EYS: variants seen among roughly 807,000 people sequenced by gnomAD.
The protein encoded by EYS is protein eyes shut homolog.
A neutral mutation model predicts 282.1 loss-of-function variants in EYS; 250 were observed. The ratio of observed to expected loss-of-function variants is 0.89; its 90% CI spans 0.80 to 0.98. EYS has a LOEUF of 0.98. Ranked by LOEUF, EYS falls within the 50% of genes least tolerant of loss-of-function variation. The pLI is 0.00. For missense variants in EYS, 4,016 were observed against 3,709.0 expected (o/e 1.08, Z -2.15); for synonymous variants, 1,355 against 1,282.9 (o/e 1.06, Z -1.20).
Position 64,421,900 on chromosome 6 carries a change from T to C in EYS, c.5927+14274A>G, listed in dbSNP as rs142749535. On this transcript the variant is annotated intron_variant, in intron 28 of 42. Transcript: ENST00000503581. ...GTGTGTGTGTGTGTGTGTGTGTGTG[T>C]AGATCAGTGGTTCTCAAACAGGGAT... is the stretch of plus-strand genomic sequence containing the variant. 2.2e-3 allele frequency among the ~76,000 whole-genome samples: 334 copies of C among 150,878 alleles called. 2 individuals are homozygous for C. The highest frequency in any genetic ancestry group is 7.8e-3 in the African/African-American group (321 of 41,084).
intron 40 of EYS, among the ~76,000 whole-genome samples, chr6:63,768,837 G>A (rs114686000): frequency 0.012 from 1,838 of 152,072 alleles, 31 homozygotes; most frequent in African/African-American, 0.043. Context: ...CCCATCAACA[G>A]GGTACTGGAT....
intron 22 of EYS, among the ~76,000 whole-genome samples, chr6:64,750,538 A>G (rs1475622471): frequency 6.6e-6 from 1 of 152,166 alleles, no homozygotes; most frequent in African/African-American, 2.4e-5. Flanking sequence ...AGAAAAGATA[A>G]GAGCTAAGGT....
intron 12 of EYS, among the ~76,000 whole-genome samples, chr6:65,291,224 G>C (rs981844015): frequency 4.0e-5 from 6 of 151,452 alleles, no homozygotes; most frequent in African/African-American, 1.5e-4. Context: ...GCTGCTGCAA[G>C]AAGTGAAAAT....
chr6:64,105,277 T>C (rs1321921846), intron 31 of EYS, among the ~76,000 whole-genome samples: 3 of 152,142 alleles, frequency 2.0e-5, no homozygotes, highest in Admixed American at 6.6e-5. Context: ...TCAAAAGCAC[T>C]ATTATCTCTG....
intron 12 of EYS, among the ~76,000 whole-genome samples, chr6:65,141,350 C>T (rs187373073): frequency 3.5e-3 from 535 of 151,538 alleles, no homozygotes; most frequent in Middle Eastern, 0.01. Context: ...TGTGGGGTGG[C>T]GGGAGCGGGG....
At chr6:64,136,047 C>T (rs1317301815) in intron 31 of EYS, among the ~76,000 whole-genome samples, 1 of 151,798 alleles carries the variant, frequency 6.6e-6, no homozygotes, top group Non-Finnish European at 1.5e-5. Flanking sequence ...TCAAACCTTG[C>T]CACTGCTTTA....
intron 30 of EYS, among the ~76,000 whole-genome samples, chr6:64,261,991 G>T (rs1582502298): frequency 6.6e-6 from 1 of 152,082 alleles, no homozygotes; most frequent in East Asian, 1.9e-4. Flanking sequence ...CTGAGCTCAA[G>T]CAATTTGCTC....
At chr6:64,362,423 G>A (rs1326302749) in intron 29 of EYS, among the ~76,000 whole-genome samples, 2 of 151,704 alleles carry the variant, frequency 1.3e-5, no homozygotes, top group South Asian at 2.1e-4. Context: ...TGATGTTGAA[G>A]ACTTCTTTCT....
At chr6:63,785,508 G>A (rs1770337858) in intron 39 of EYS, among the ~76,000 whole-genome samples, 1 of 152,144 alleles carries the variant, frequency 6.6e-6, no homozygotes, top group Non-Finnish European at 1.5e-5. Flanking sequence ...TCTTATTAGG[G>A]CAGATAAAAC....
intron 2 of EYS, among the ~76,000 whole-genome samples, chr6:65,496,460 A>G (rs528511465): frequency 2.6e-5 from 4 of 152,198 alleles, no homozygotes; most frequent in African/African-American, 7.2e-5. Flanking sequence ...AATAAACTGC[A>G]ATCCTCACAA....
chr6:63,970,885 T>G (rs9450470), intron 35 of EYS, among the ~76,000 whole-genome samples: 279 of 152,330 alleles, frequency 1.8e-3, no homozygotes, highest in African/African-American at 6.5e-3. Flanking sequence ...TCATGACTCC[T>G]GCAAATACAA....
At chr6:65,357,041 T>C (rs1764512083) in intron 8 of EYS, among the ~76,000 whole-genome samples, 2 of 151,856 alleles carry the variant, frequency 1.3e-5, no homozygotes, top group Non-Finnish European at 2.9e-5. Context: ...TTAATGGCCT[T>C]TGGGAGGAAT....
chr6:64,815,770 A>G (rs921513139), intron 21 of EYS, among the ~76,000 whole-genome samples: 3 of 152,120 alleles, frequency 2.0e-5, no homozygotes, highest in African/African-American at 7.2e-5. Flanking sequence ...AGGGCAATCT[A>G]GACAACAGAG....
At chr6:64,509,136 TACAA>T (rs1777305883) in intron 26 of EYS, among the ~76,000 whole-genome samples, 1 of 152,188 alleles carries the variant, frequency 6.6e-6, no homozygotes, top group Admixed American at 6.6e-5. Context: ...ATTACAATTT[TACAA>T]ACACAGAGCT....
intron 33 of EYS, among the ~76,000 whole-genome samples, chr6:64,055,464 T>C (rs1770953026): frequency 6.6e-6 from 1 of 152,158 alleles, no homozygotes; most frequent in South Asian, 2.1e-4. Context: ...TCCTTTGTAG[T>C]TATACAAAGA....
intron 5 of EYS, among the ~76,000 whole-genome samples, chr6:65,426,643 C>T (rs887632481): frequency 5.3e-5 from 8 of 152,052 alleles, no homozygotes; most frequent in Admixed American, 4.6e-4. Flanking sequence ...TTTATAAAAG[C>T]TAATTAGGAA....
chr6:64,768,543 T>C (rs1219214752), intron 22 of EYS, among the ~76,000 whole-genome samples: 1 of 152,118 alleles, frequency 6.6e-6, no homozygotes, highest in Admixed American at 6.6e-5. Flanking sequence ...TATATAGGGG[T>C]CACCCTATGA....
At chr6:64,606,518 G>T (rs1282060652) in intron 24 of EYS, among the ~76,000 whole-genome samples, 1 of 151,956 alleles carries the variant, frequency 6.6e-6, no homozygotes, top group African/African-American at 2.4e-5. Flanking sequence ...AGCCACAGTT[G>T]TCACACACCA....
chr6:65,245,522 C>T (rs1767156744), intron 12 of EYS, among the ~76,000 whole-genome samples: 1 of 151,990 alleles, frequency 6.6e-6, no homozygotes, highest in Non-Finnish European at 1.5e-5. Context: ...CAAAAAAAGG[C>T]TGCCACCTCA....
Sources: gnomAD v4.1 joint callset for allele counts (sites outside exome capture counted in the v4.1 genomes callset) on GRCh38, gnomAD v4.1.1 for gene constraint, MANE v1.5 for transcripts, NCBI Gene and HGNC (gene_info 2026-07-23, HGNC 2026-07-21) for gene names.